Variants in PEG3 observed in about 807,000 individuals in gnomAD.
The protein encoded by PEG3 is paternally-expressed gene 3 protein.
PEG3 carries 23 observed loss-of-function variants against 35.5 expected under a neutral mutation model. The ratio of observed to expected loss-of-function variants is 0.65; its 90% CI spans 0.47 to 0.92. PEG3 has a LOEUF of 0.92. Among genes scored for constraint, PEG3 ranks in the 40% least tolerant of loss-of-function variants. PEG3 has a pLI of 0.00. For missense variants in PEG3, 1,960 were observed against 1,985.3 expected (o/e 0.99, Z 0.24); for synonymous variants, 707 against 697.0 (o/e 1.01, Z -0.23).
chr19:56,818,753 C>A, intron 7 of PEG3, 51 bp from the exon 8 acceptor site: 1 of 1,590,928 alleles, frequency 6.3e-7, no homozygotes, highest in South Asian at 1.1e-5. Flanking sequence ...CACCGATGTT[C>A]AAAGACAGAA....
At chr19:56,833,975 G>C (rs1047472375) in intron 2 of PEG3, among the ~76,000 whole-genome samples, 4 of 152,102 alleles carry the variant, frequency 2.6e-5, no homozygotes, top group Non-Finnish European at 4.4e-5. Flanking sequence ...TCTCCTTGTT[G>C]TTGTCCATCC....
chr19:56,816,254 C>G lies in PEG3; in HGVS notation c.2188G>C (p.Glu730Gln), dbSNP rs748116641. The part of the protein sequence containing the change: ...KSVIHSGPFT[E>Q]SQKSHTITRP... ...GTTATAGTATGACTCTTCTGAGATT[C>G]AGTGAATGGCCCACTATGAATGACA... is the stretch of plus-strand genomic sequence containing the variant. Residue 730 changes from glutamate to glutamine, a missense_variant, in exon 10 of 10, where the codon GAA becomes CAA. Physicochemically the swap from Glu to Gln is conservative, Grantham distance 29. Transcript: ENST00000326441. The G allele has an allele frequency of 3.7e-6, 6 of 1,614,046 alleles. No homozygotes were observed. The highest frequency in any genetic ancestry group is 5.1e-6 in the Non-Finnish European group (6 of 1,179,908).
Position 56,824,352 on chromosome 19 carries a change from G to C in PEG3, c.304C>G (p.Leu102Val), listed in dbSNP as rs777558914. 2 of 1,614,014 alleles carry C rather than the reference G, an allele frequency of 1.2e-6. No individual in the cohort carries two copies. Among genetic ancestry groups the C allele is most frequent in the African/African-American group, 2.7e-5 (2 of 74,900 alleles). The part of the protein sequence containing the change: ...EQYLTIIPEK[L>V]KPWVRAKKPE... ...TTTTTTGCTCGCACCCAAGGCTTGA[G>C]CTTTTCAGGGATGATGGTCAGGTAC... is the stretch of plus-strand genomic sequence containing the variant. Residue 102 changes from leucine (L) to valine (V), a missense_variant, in exon 4 of 10, where the codon CTC (leucine) becomes GTC (valine). Physicochemically the swap from Leu to Val is conservative, Grantham distance 32. Around this residue, in one of 5 missense-constraint regions of PEG3, gnomAD observed 613 missense variants for 577.1 expected, o/e 1.06. Coordinates refer to ENST00000326441, the MANE Select transcript of PEG3 (RefSeq NM_006210.3).
At chr19:56,835,836 G>C (rs867079719) in intron 2 of PEG3, among the ~76,000 whole-genome samples, 182 bp downstream of exon 2, 2 of 152,222 alleles carry the variant, frequency 1.3e-5, no homozygotes, top group African/African-American at 4.8e-5. Flanking sequence ...GATGGTGTGA[G>C]GCCAAGGAGA....
At chr19:56,830,624 G>A (rs2061484859) in intron 2 of PEG3, among the ~76,000 whole-genome samples, 1 of 152,032 alleles carries the variant, frequency 6.6e-6, no homozygotes, top group Non-Finnish European at 1.5e-5. Context: ...ATAAATATGG[G>A]GCAAGCATTA....
At chr19:56,828,911 G>A (rs1050957169) in intron 2 of PEG3, among the ~76,000 whole-genome samples, 3 of 152,126 alleles carry the variant, frequency 2.0e-5, no homozygotes, top group African/African-American at 7.2e-5. Flanking sequence ...GCTAGCTGGT[G>A]CAGGCATGAA....
At chr19:56,835,561 C>A (rs1456439816) in intron 2 of PEG3, among the ~76,000 whole-genome samples, 5 of 152,220 alleles carry the variant, frequency 3.3e-5, no homozygotes, top group Non-Finnish European at 7.3e-5. Flanking sequence ...TCAGCTGTTG[C>A]TAGCAGATGT....
In PEG3 at chr19:56,815,068, TGGTCTGTGA is replaced by T. The variant is rs778260017; in HGVS notation, c.3365_3373del (p.Leu1122_Asp1124del). 9.3e-6 allele frequency: 15 copies of T among 1,614,010 alleles called. No homozygotes were observed. The Admixed American group carries it at 1.3e-4, about 14-fold the overall frequency. Reference sequence around the variant, plus strand: ...GCACTTCCTGCTGTGGACTTTCTGATGGTCTGTGAGGTCTGTGAGATCCACAAAGCCCAG... The same window carrying T: ...GCACTTCCTGCTGTGGACTTTCTGATGGTCTGTGAGATCCACAAAGCCCAG... On this transcript the variant is annotated inframe_deletion, in exon 10 of 10. Transcript: ENST00000326441.
At position 56,815,785 on chromosome 19, in the gene PEG3, C is replaced by G; in HGVS notation, c.2657G>C (p.Ser886Thr). 1 of 1,613,684 alleles carries G rather than the reference C, an allele frequency of 6.2e-7. No homozygotes were observed. The highest frequency in any genetic ancestry group is 8.5e-7 in the Non-Finnish European group (1 of 1,179,666). The change falls in exon 10 of 10, where the codon AGT (serine) becomes ACT (threonine). Residue 886 changes from serine (S) to threonine (T), a missense_variant. By Grantham distance (58) the Ser-to-Thr change is moderately conservative (BLOSUM62 1). This residue lies in a region of PEG3 where 798 missense variants were observed against 782.4 expected (regional missense o/e 1.02). Coordinates refer to ENST00000326441, the MANE Select transcript of PEG3 (RefSeq NM_006210.3). ...PARENPCEGG[S>T]KNRNYEDSVI... ...AGAGTCTTCATAGTTGCGATTCTTA[C>G]TGCCCCCTTCACAAGGGTTCTCTCT...
rs758971364 is a variant in PEG3, at chr19:56,815,183, G to A, written c.3259C>T (p.Pro1087Ser). ...ETHGQETIED[P>S]VIQGSDMEDP... ...TCCATGTCTGAGCCTTGAATGACAG[G>A]GTCTTCAATTGTCTCCTGACCATGG... is the stretch of plus-strand genomic sequence containing the variant. Residue 1087 changes from proline to serine, a missense_variant, in exon 10 of 10, where the codon CCT (proline) becomes TCT (serine). Around this residue, in one of 5 missense-constraint regions of PEG3, gnomAD observed 798 missense variants for 782.4 expected, o/e 1.02. Transcript: ENST00000326441. 6.2e-7 allele frequency: 1 copy of A among 1,613,908 alleles called. No homozygotes were observed. The highest frequency in any genetic ancestry group is 1.7e-5 in the Admixed American group (1 of 60,012).
chr19:56,811,869 C>CT lies in PEG3; in HGVS notation c.*1805dup. Reference sequence around the variant, plus strand: ...CTACAGTTCTTGCCTCTGGTGTTTTCTTCTGTCTGTCTCCTCTCCCCTCCT... The same window carrying CT: ...CTACAGTTCTTGCCTCTGGTGTTTTCTTTCTGTCTGTCTCCTCTCCCCTCCT... On this transcript the variant is annotated 3_prime_UTR_variant, in exon 10 of 10. Coordinates refer to ENST00000326441, the MANE Select transcript of PEG3 (RefSeq NM_006210.3). 1 of 985,488 alleles carries CT rather than the reference C, an allele frequency of 1.0e-6. No individual in the cohort carries two copies. The highest frequency in any genetic ancestry group is 1.2e-6 in the Non-Finnish European group (1 of 829,986). The allele number at this position is 985,488 out of a possible 1,614,324, so 61.0% of individuals were successfully genotyped here.
chr19:56,830,467 TATCTC>T (rs1260835181), intron 2 of PEG3, among the ~76,000 whole-genome samples: 1 of 152,212 alleles, frequency 6.6e-6, no homozygotes, highest in Non-Finnish European at 1.5e-5. Context: ...TATAAAGACT[TATCTC>T]AAATACATGC....
chr19:56,815,581 G>A lies in PEG3; in HGVS notation c.2861C>T (p.Ser954Phe), dbSNP rs868068825. 1 of 1,614,022 alleles carries A rather than the reference G, an allele frequency of 6.2e-7. No homozygotes were observed. The highest frequency in any genetic ancestry group is 2.2e-5 in the East Asian group (1 of 44,874). ...AAATGTTTGTTCACCAAAAGGCAGA[G>A]AGTGAATTACAGAGGTCTCATTGCT... Reference protein sequence around the residue: ...HRSNETSVIHSLPFGEQTFRP... With the variant: ...HRSNETSVIHFLPFGEQTFRP... Residue 954 changes from serine to phenylalanine, a missense_variant, in exon 10 of 10, where the codon TCT (serine) becomes TTT (phenylalanine). Coordinates refer to ENST00000326441, the MANE Select transcript of PEG3 (RefSeq NM_006210.3).
intron 1 of PEG3, among the ~76,000 whole-genome samples, chr19:56,839,959 G>C (rs1396763899): frequency 1.3e-5 from 2 of 152,252 alleles, no homozygotes; most frequent in African/African-American, 4.8e-5. Flanking sequence ...CCGCCCGAGA[G>C]GGCGGGGAAA....
chr19:56,816,670 T>G lies in PEG3; in HGVS notation c.1772A>C (p.Asp591Ala), dbSNP rs778341455. 1.2e-6 allele frequency: 2 copies of G among 1,614,082 alleles called. No individual in the cohort carries two copies. The highest frequency in any genetic ancestry group is 3.3e-5 in the Admixed American group (2 of 60,018). The stretch of plus-strand genomic sequence containing the variant: ...TTCACGTTCATGTTCACGCTCATTA[T>G]CTTTGTCATCCCCAAAGTGGATTTT... ...HQKIHFGDDKDNEREHERERE... is the reference protein window; with the variant it reads ...HQKIHFGDDKANEREHERERE... Residue 591 changes from aspartate to alanine, a missense_variant, in exon 10 of 10, where the codon GAT becomes GCT. Transcript: ENST00000326441.
At chr19:56,839,939 A>G (rs1244358302) in intron 1 of PEG3, among the ~76,000 whole-genome samples, 1 of 152,240 alleles carries the variant, frequency 6.6e-6, no homozygotes, top group East Asian at 1.9e-4. Flanking sequence ...AGCCGCCCTT[A>G]TTTAAGATAC....
In PEG3 at chr19:56,813,753, G is replaced by C. The variant is rs1252768095; in HGVS notation, c.4689C>G (p.Tyr1563Ter). Reference sequence around the variant, plus strand: ...GCTGCCCACAGACGTCACATTTGAAGTACTTCTCATCAGCTTGATTGGCAC... The same window carrying C: ...GCTGCCCACAGACGTCACATTTGAACTACTTCTCATCAGCTTGATTGGCAC... ...TGGANQADEKYFKCDVCGQLF... is the reference protein window; with the variant it reads ...TGGANQADEK The change falls in exon 10 of 10, where the codon TAC becomes TAG. Residue 1563 changes from tyrosine (Y) to a stop codon, truncating the protein, a stop_gained. Transcript: ENST00000326441. LOFTEE classifies it high-confidence loss of function. 1.9e-6 allele frequency: 3 copies of C among 1,614,186 alleles called. No homozygotes were observed. In the African/African-American group the frequency reaches 4.0e-5, roughly 22 times the overall value.
At chr19:56,833,087 T>C (rs753151540) in intron 2 of PEG3, 2 of 491,348 alleles carry the variant, frequency 4.1e-6, no homozygotes, top group Non-Finnish European at 4.1e-6. Context: ...AAGAACTTAA[T>C]GAAAGAACAC....
At position 56,813,764 on chromosome 19, in the gene PEG3, C is replaced by A. The variant is rs1568611107; in HGVS notation, c.4678G>T (p.Asp1560Tyr). The A allele has an allele frequency of 6.2e-7, 1 of 1,614,162 alleles. No individual in the cohort carries two copies. The highest frequency in any genetic ancestry group is 8.5e-7 in the Non-Finnish European group (1 of 1,180,038). Residue 1560 changes from aspartate (D) to tyrosine (Y), a missense_variant, in exon 10 of 10, where the codon GAT becomes TAT. By Grantham distance (160) the Asp-to-Tyr change is radical. Around this residue, in one of 5 missense-constraint regions of PEG3, gnomAD observed 416 missense variants for 416.7 expected, o/e 1.00. Transcript: ENST00000326441. ...ACGTCACATTTGAAGTACTTCTCAT[C>A]AGCTTGATTGGCACCACCTGTGCTG... ...STSTGGANQADEKYFKCDVCG... is the reference protein window; with the variant it reads ...STSTGGANQAYEKYFKCDVCG...
Sources: allele counts gnomAD v4.1 joint callset (sites outside exome capture counted in the v4.1 genomes callset), GRCh38; gene constraint gnomAD v4.1.1; regional missense constraint gnomAD v4.1.1; transcripts MANE v1.5; gene names NCBI Gene and HGNC (gene_info 2026-07-23, HGNC 2026-07-21).